The following DAB2 variants were observed in gnomAD, a reference collection of about 807,000 sequenced individuals.
DAB2 encodes the protein disabled homolog 2.
DAB2 carries 28 observed loss-of-function variants against 71.6 expected under a neutral mutation model. The observed-to-expected ratio is 0.39, with a 90% CI of 0.29 to 0.54. DAB2 has a LOEUF of 0.54. Among genes scored for constraint, DAB2 ranks in the 20% least tolerant of loss-of-function variants. The pLI, the probability that DAB2 is intolerant of heterozygous loss-of-function variation, is 0.68. For synonymous variants in DAB2, 345 were observed against 339.7 expected (o/e 1.02, Z -0.17); for missense variants, 867 against 928.8 (o/e 0.93, Z 0.86).
chr5:39,376,765 A>C lies in DAB2; in HGVS notation c.2022T>G (p.Thr674=), dbSNP rs1754840442. The change falls in exon 12 of 15, where the codon ACT becomes ACG. Residue 674 remains threonine, a synonymous_variant. Transcript: ENST00000320816. Reference sequence around the variant, plus strand: ...CAAAGGCACTCAAAGTCCCAGAAGAAGTCTGCTCTCCCTTCCGCGCGGGCA... The same window carrying C: ...CAAAGGCACTCAAAGTCCCAGAAGACGTCTGCTCTCCCTTCCGCGCGGGCA... The part of the protein sequence containing the change: ...PAVPARKGEQ[T]SSGTLSAFAS... 1 of 1,614,192 alleles carries C rather than the reference A, an allele frequency of 6.2e-7. No individual in the cohort carries two copies. Among genetic ancestry groups the C allele is most frequent in the Admixed American group, 1.7e-5 (1 of 60,022 alleles).
At chr5:39,411,199 A>T (rs1048456342) in intron 1 of DAB2, among the ~76,000 whole-genome samples, 4 of 152,148 alleles carry the variant, frequency 2.6e-5, no homozygotes, top group African/African-American at 9.6e-5. Context: ...CCCTTTATGA[A>T]ATACTCATAT....
chr5:39,397,269 A>G (rs990254551), intron 1 of DAB2, among the ~76,000 whole-genome samples: 2 of 152,298 alleles, frequency 1.3e-5, no homozygotes, highest in Non-Finnish European at 1.5e-5. Flanking sequence ...CCAGGCCAAC[A>G]GGTCCCAGGC....
rs764367486 is a variant in DAB2, at chr5:39,383,225, G to T, written c.734C>A (p.Thr245Asn). The change falls in exon 10 of 15, where the codon ACC becomes AAC. Residue 245 changes from threonine (T) to asparagine (N), a missense_variant. By Grantham distance (65) the Thr-to-Asn change is moderately conservative. Coordinates refer to ENST00000320816, the MANE Select transcript of DAB2 (RefSeq NM_001343.4). ...LLVDLNSEID[T>N]NQNSLRENPF... ...ATTTTCTCTTAAAGAATTCTGATTG[G>T]TGTCGATTTCAGAGTTTAGATCCAC... 4 of 1,613,542 alleles carry T rather than the reference G, an allele frequency of 2.5e-6. No individual in the cohort carries two copies. In the African/African-American group the frequency reaches 4.0e-5, roughly 16 times the overall value.
At chr5:39,389,157 T>A in intron 6 of DAB2, 34 bp from the exon 7 acceptor site, 6 of 1,575,602 alleles carry the variant, frequency 3.8e-6, no homozygotes, top group Non-Finnish European at 5.2e-6. Context: ...GTGATCTTCA[T>A]ATTCATAGTG....
intron 2 of DAB2, 142 bp downstream of exon 2, chr5:39,394,088 A>G: frequency 1.5e-6 from 1 of 665,616 alleles, no homozygotes; most frequent in East Asian, 2.7e-5. Flanking sequence ...CCAAGGTACA[A>G]CTTTCCTATT....
chr5:39,377,193 T>G lies in DAB2; in HGVS notation c.1594A>C (p.Met532Leu), dbSNP rs371240158. Reference protein sequence around the residue: ...NQSPSMAPGAMMGGQPSGFSQ... With the variant: ...NQSPSMAPGALMGGQPSGFSQ... ...AAACCTGAAGGTTGACCACCCATCA[T>G]GGCTCCCGGAGCCATTGAAGGGGAC... Residue 532 changes from methionine (M) to leucine (L), a missense_variant, in exon 12 of 15, where the codon ATG (methionine) becomes CTG (leucine). This residue lies in a region of DAB2 where 740 missense variants were observed against 734.3 expected (regional missense o/e 1.01). Transcript: ENST00000320816. The G allele has an allele frequency of 5.0e-6, 8 of 1,614,022 alleles. No homozygotes were observed. The highest frequency in any genetic ancestry group is 1.3e-5 in the African/African-American group (1 of 74,912).
At chr5:39,391,658 A>G (rs1755229696) in intron 4 of DAB2, among the ~76,000 whole-genome samples, 1 of 152,176 alleles carries the variant, frequency 6.6e-6, no homozygotes, top group South Asian at 2.1e-4. Context: ...CATGAGTCTT[A>G]TGATGTTACA....
At position 39,385,552 on chromosome 5, in the gene DAB2, C is replaced by G. The variant is rs373040057; in HGVS notation, c.688-2281G>C. Reference sequence around the variant, plus strand: ...CCTCATCCACCCACTTGGTCAGCGCCTCATTCATTCTTTGTCGAACTGTCA... The same window carrying G: ...CCTCATCCACCCACTTGGTCAGCGCGTCATTCATTCTTTGTCGAACTGTCA... On this transcript the variant is annotated intron_variant, in intron 9 of 14. Transcript: ENST00000320816. 7.2e-5 allele frequency: 11 copies of G among 152,388 alleles called. 1 individual carries two copies. The highest frequency in any genetic ancestry group is 2.6e-4 in the African/African-American group (11 of 41,562). The allele number at this position is 152,388 out of a possible 1,614,324, so 9.4% of individuals were successfully genotyped here.
At chr5:39,377,351 C>G in intron 11 of DAB2, 69 bp from the exon 12 acceptor site, 2 of 1,494,562 alleles carry the variant, frequency 1.3e-6, no homozygotes, top group Non-Finnish European at 1.8e-6. Context: ...TTTCAGAGAG[C>G]ACAACTCTCT....
At chr5:39,393,702 T>G (rs947092030) in intron 2 of DAB2, among the ~76,000 whole-genome samples, 5 of 152,104 alleles carry the variant, frequency 3.3e-5, no homozygotes, top group Non-Finnish European at 5.9e-5. Flanking sequence ...TTTTTAAGTC[T>G]TTAAAGGAAT....
In DAB2 at chr5:39,376,940, A is replaced by G. The variant is rs767496554; in HGVS notation, c.1847T>C (p.Leu616Pro). Residue 616 changes from leucine (L) to proline (P), a missense_variant, in exon 12 of 15, where the codon CTG becomes CCG. Coordinates refer to ENST00000320816, the MANE Select transcript of DAB2 (RefSeq NM_001343.4). ...GGGAGGTGGCTGAGGAGGAGTGACC[A>G]GGAGAGAGGAGTGCATGGATGGGGG... is the stretch of plus-strand genomic sequence containing the variant. Reference protein sequence around the residue: ...TQPPSMHSSLLVTPPQPPPRA... With the variant: ...TQPPSMHSSLPVTPPQPPPRA... 1 of 1,614,126 alleles carries G rather than the reference A, an allele frequency of 6.2e-7. No homozygotes were observed. The highest frequency in any genetic ancestry group is 1.1e-5 in the South Asian group (1 of 91,072).
chr5:39,376,607 G>GAGAT (rs1307875500), intron 12 of DAB2, 43 bp downstream of exon 12: 1 of 1,596,212 alleles, frequency 6.3e-7, no homozygotes. Flanking sequence ...TGTGGCAGTG[G>GAGAT]AGATAGTTGT....
chr5:39,391,282 T>C (rs1345915954), intron 4 of DAB2, among the ~76,000 whole-genome samples: 1 of 152,142 alleles, frequency 6.6e-6, no homozygotes, highest in East Asian at 1.9e-4. Flanking sequence ...TTGAACTCTT[T>C]AGGGATATTT....
chr5:39,406,392 C>G (rs976422392), intron 1 of DAB2, among the ~76,000 whole-genome samples: 7 of 152,142 alleles, frequency 4.6e-5, no homozygotes, highest in African/African-American at 1.7e-4. Context: ...TACTGCAGGA[C>G]CAGAGATGGC....
chr5:39,397,967 T>C (rs1755406434), intron 1 of DAB2, among the ~76,000 whole-genome samples: 1 of 152,222 alleles, frequency 6.6e-6, no homozygotes, highest in African/African-American at 2.4e-5. Context: ...GTCAGTATTA[T>C]GTTGAGTTCA....
chr5:39,393,831 A>G (rs1755293468), intron 2 of DAB2, among the ~76,000 whole-genome samples: 1 of 152,250 alleles, frequency 6.6e-6, no homozygotes, highest in East Asian at 1.9e-4. Context: ...CTTGAAAATT[A>G]TTAAGATAAT....
intron 13 of DAB2, among the ~76,000 whole-genome samples, chr5:39,375,770 C>T (rs1029880188): frequency 2.6e-5 from 4 of 152,094 alleles, no homozygotes; most frequent in Non-Finnish European, 5.9e-5. Flanking sequence ...CCTATAGTCC[C>T]ACCTACTCAG....
In DAB2 at chr5:39,406,114, T is replaced by C. The variant is rs568710239; in HGVS notation, c.-101-11693A>G. Among the ~76,000 whole-genome samples the C allele has an allele frequency of 5.9e-5, 9 of 151,902 alleles. No homozygotes were observed. The South Asian group carries it at 8.3e-4, about 14-fold the overall frequency. ...AGTAAGCTGAGGCACTTCTGGGAAA[T>C]GATCAATGGGCTGAAGTGGTCTGAC... On this transcript the variant is annotated intron_variant, in intron 1 of 14. Transcript: ENST00000320816.
At chr5:39,374,585 C>T (rs182921983) in intron 14 of DAB2, among the ~76,000 whole-genome samples, 2 of 152,152 alleles carry the variant, frequency 1.3e-5, no homozygotes, top group African/African-American at 4.8e-5. Context: ...AAGTAATGAT[C>T]ATAATCTGTT....
Sources: allele counts gnomAD v4.1 joint callset (sites outside exome capture counted in the v4.1 genomes callset), GRCh38; gene constraint gnomAD v4.1.1; regional missense constraint gnomAD v4.1.1; transcripts MANE v1.5; gene names NCBI Gene and HGNC (gene_info 2026-07-23, HGNC 2026-07-21).